DAB1: variants seen among roughly 807,000 people sequenced by gnomAD.
DAB1 encodes the protein disabled homolog 1.
A neutral mutation model predicts 64.6 loss-of-function variants in DAB1; 15 were observed. That is an observed-to-expected ratio of 0.23 (90% CI 0.16 to 0.36). The LOEUF (loss-of-function observed/expected upper bound fraction) is 0.36, where lower values mean the gene tolerates loss of function less well. Among genes scored for constraint, DAB1 ranks in the 10% least tolerant of loss-of-function variants. The pLI is 1.00. For synonymous variants in DAB1, 235 were observed against 251.9 expected (o/e 0.93, Z 0.64); for missense variants, 596 against 706.7 (o/e 0.84, Z 1.78).
At chr1:57,261,384 G>A (rs75033103) in intron 2 of DAB1, among the ~76,000 whole-genome samples, 10,686 of 152,024 alleles carry the variant, frequency 0.07, 537 homozygotes, top group East Asian at 0.29. Flanking sequence ...TTTCTCCCTC[G>A]CCCCAATCCA....
In DAB1 at chr1:57,011,133, C is replaced by T. The variant is rs1182560546; in HGVS notation, c.1572+12G>A. On this transcript the variant is annotated intron_variant, in intron 13 of 14. Coordinates refer to ENST00000371236, the MANE Select transcript of DAB1 (RefSeq NM_001365792.1). ...AGGAAAAACACAAACAAATAACAAACTGGTCACTTACAGCTTCTTGCTCTT... is the reference window on the plus strand; with the variant it reads ...AGGAAAAACACAAACAAATAACAAATTGGTCACTTACAGCTTCTTGCTCTT... The T allele has an allele frequency of 3.7e-6, 6 of 1,613,582 alleles. No homozygotes were observed. The highest frequency in any genetic ancestry group is 3.3e-4 in the Middle Eastern group (2 of 6,082).
At chr1:57,882,809 G>C (rs1030837816) in intron 1 of DAB1, among the ~76,000 whole-genome samples, 2 of 152,168 alleles carry the variant, frequency 1.3e-5, no homozygotes, top group African/African-American at 4.8e-5. Flanking sequence ...ATGGTTTCCA[G>C]CCTCCTTGCC....
intron 2 of DAB1, among the ~76,000 whole-genome samples, chr1:57,270,003 C>A (rs542792059): frequency 1.3e-5 from 2 of 152,276 alleles, no homozygotes; most frequent in East Asian, 1.9e-4. Flanking sequence ...GACAATACAG[C>A]CTGGGATCCC....
At chr1:58,037,508 A>T (rs955204379) in intron 5 of DAB1, among the ~76,000 whole-genome samples, 1 of 152,128 alleles carries the variant, frequency 6.6e-6, no homozygotes, top group African/African-American at 2.4e-5. Flanking sequence ...TTCTTACAGG[A>T]GTGGGAACTC....
chr1:58,465,455 G>A (rs529044817), intron 3 of DAB1, among the ~76,000 whole-genome samples: 10 of 152,312 alleles, frequency 6.6e-5, no homozygotes, highest in African/African-American at 2.2e-4. Context: ...CAACAACAAC[G>A]ACGACAAAAT....
intron 5 of DAB1, among the ~76,000 whole-genome samples, chr1:58,001,099 CTTTG>C (rs1334928448): frequency 2.0e-5 from 3 of 151,676 alleles, no homozygotes; most frequent in Admixed American, 1.3e-4. Context: ...TTCCCCTTCT[CTTTG>C]TTTTTGTTTT....
At chr1:58,377,550 CT>C (rs1644340738) in intron 3 of DAB1, among the ~76,000 whole-genome samples, 1 of 138,362 alleles carries the variant, frequency 7.2e-6, no homozygotes, top group African/African-American at 2.7e-5. Flanking sequence ...AAGAGATCTG[CT>C]GTTAGTCTGA....
At chr1:57,695,377 A>AAAGAAAAGAAAG (rs1646824615) in intron 6 of DAB1, among the ~76,000 whole-genome samples, 2 of 67,026 alleles carry the variant, frequency 3.0e-5, no homozygotes, top group Non-Finnish European at 5.8e-5. Flanking sequence ...AGAAAGAAAG[A>AAAGAAAAGAAAG]AAGAAAGAAA....
At chr1:58,074,587 T>C (rs1264459416) in intron 5 of DAB1, among the ~76,000 whole-genome samples, 1 of 132,536 alleles carries the variant, frequency 7.5e-6, no homozygotes, top group Non-Finnish European at 1.6e-5. Flanking sequence ...TATATATATA[T>C]ATATATATTT....
In DAB1 at chr1:57,263,012, C is replaced by T. The variant is rs377559648; in HGVS notation, c.67+27952G>A. Among the ~76,000 whole-genome samples the T allele has an allele frequency of 6.7e-4, 102 of 152,250 alleles. 1 individual carries two copies. The South Asian group carries it at 0.017, about 25-fold the overall frequency. On this transcript the variant is annotated intron_variant, in intron 2 of 14. Coordinates refer to ENST00000371236, the MANE Select transcript of DAB1 (RefSeq NM_001365792.1). The stretch of plus-strand genomic sequence containing the variant: ...TATCTTCCCTCAAGGAGCTCATGGA[C>T]GTGAATGTCTCCAACTAGCATCTGT...
chr1:57,295,661 A>T (rs1673137616), intron 1 of DAB1, among the ~76,000 whole-genome samples: 1 of 152,172 alleles, frequency 6.6e-6, no homozygotes, highest in Non-Finnish European at 1.5e-5. Flanking sequence ...ACAAAAAGAT[A>T]CACAGGATAA....
intron 4 of DAB1, among the ~76,000 whole-genome samples, chr1:58,233,140 G>T (rs1429977159): frequency 6.6e-6 from 1 of 152,206 alleles, no homozygotes; most frequent in Non-Finnish European, 1.5e-5. Context: ...GAAGCAGAAA[G>T]TAGGGAGCAT....
intron 7 of DAB1, among the ~76,000 whole-genome samples, chr1:57,586,094 G>A (rs1012240991): frequency 2.6e-5 from 4 of 152,080 alleles, no homozygotes; most frequent in African/African-American, 9.7e-5. Context: ...CCTCACATTT[G>A]GGAGTTTATG....
intron 5 of DAB1, among the ~76,000 whole-genome samples, chr1:57,927,953 A>C (rs1644903340): frequency 6.6e-6 from 1 of 152,068 alleles, no homozygotes; most frequent in African/African-American, 2.4e-5. Flanking sequence ...CCATCCACCA[A>C]TCCATGTTAT....
At chr1:58,395,587 T>C (rs934511213) in intron 3 of DAB1, among the ~76,000 whole-genome samples, 2 of 152,124 alleles carry the variant, frequency 1.3e-5, no homozygotes, top group South Asian at 2.1e-4. Context: ...GAGGGCCACA[T>C]GCAGGGAGGA....
intron 5 of DAB1, among the ~76,000 whole-genome samples, chr1:58,136,325 T>C (rs1274696139): frequency 1.3e-5 from 2 of 152,164 alleles, no homozygotes; most frequent in Non-Finnish European, 2.9e-5. Context: ...CCACTTATTC[T>C]GGGACTGAGG....
chr1:57,674,298 G>T (rs1228676746), intron 6 of DAB1, among the ~76,000 whole-genome samples: 1 of 152,168 alleles, frequency 6.6e-6, no homozygotes, highest in Non-Finnish European at 1.5e-5. Context: ...GATATTGTGA[G>T]ATATTATGAT....
chr1:58,284,471 C>T (rs1163903202), intron 4 of DAB1, among the ~76,000 whole-genome samples: 2 of 152,230 alleles, frequency 1.3e-5, no homozygotes, highest in African/African-American at 4.8e-5. Context: ...TCACACAGAG[C>T]CACATGAGAA....
chr1:58,085,919 C>T (rs1188550077), intron 5 of DAB1, among the ~76,000 whole-genome samples: 1 of 147,944 alleles, frequency 6.8e-6, no homozygotes, highest in South Asian at 2.1e-4. Context: ...GAAAGGAATT[C>T]ATTAGCAAAA....
Sources: gnomAD v4.1 joint callset for allele counts (sites outside exome capture counted in the v4.1 genomes callset) on GRCh38, gnomAD v4.1.1 for gene constraint, MANE v1.5 for transcripts, NCBI Gene and HGNC (gene_info 2026-07-23, HGNC 2026-07-21) for gene names.